Variants in FNDC3A observed in about 807,000 individuals in gnomAD.
FNDC3A encodes the protein fibronectin type-III domain-containing protein 3A.
Under a neutral mutation model 148.9 loss-of-function variants are expected in FNDC3A, and 32 were observed. That is an observed-to-expected ratio of 0.21 (90% CI 0.16 to 0.29). The LOEUF is 0.29. Among genes scored for constraint, FNDC3A ranks in the 10% least tolerant of loss-of-function variants. FNDC3A has a pLI of 1.00. For synonymous variants in FNDC3A, 472 were observed against 473.6 expected, an observed-to-expected ratio of 1.00 and a Z score of 0.04; for missense variants, 1,191 against 1,452.8, an observed-to-expected ratio of 0.82 and a Z score of 2.93.
At chr13:49,028,433 A>G (rs1482901413) in intron 2 of FNDC3A, among the ~76,000 whole-genome samples, 1 of 151,774 alleles carries the variant, frequency 6.6e-6, no homozygotes, top group African/African-American at 2.4e-5. Flanking sequence ...TAGAAACCGA[A>G]TCTCGCTTGT....
chr13:49,075,828 C>A (rs1472836932), intron 3 of FNDC3A, among the ~76,000 whole-genome samples: 1 of 146,848 alleles, frequency 6.8e-6, no homozygotes, highest in Non-Finnish European at 1.5e-5. Context: ...CCCACCCCCC[C>A]TTTCAGATCC....
At chr13:49,094,484 A>G (rs909009464) in intron 3 of FNDC3A, among the ~76,000 whole-genome samples, 3 of 152,116 alleles carry the variant, frequency 2.0e-5, no homozygotes, top group Non-Finnish European at 4.4e-5. Context: ...TAGAAGATAG[A>G]GTTGAATCTA....
At chr13:49,090,701 T>C (rs2407516) in intron 3 of FNDC3A, among the ~76,000 whole-genome samples, 151,432 of 152,074 alleles carry the variant, frequency 1, 75,400 homozygotes, top group Middle Eastern at 1. Flanking sequence ...AAAGATTAGG[T>C]CAGTCAACAT....
At chr13:49,091,503 TC>T (rs1160447403) in intron 3 of FNDC3A, among the ~76,000 whole-genome samples, 1 of 152,222 alleles carries the variant, frequency 6.6e-6, no homozygotes, top group Non-Finnish European at 1.5e-5. Context: ...CATTTCTACT[TC>T]CATGCAGAGT....
intron 9 of FNDC3A, among the ~76,000 whole-genome samples, chr13:49,168,034 A>G (rs747646659): frequency 1.3e-5 from 2 of 152,202 alleles, no homozygotes; most frequent in African/African-American, 2.4e-5. Flanking sequence ...GTTTTACTCT[A>G]TGCAGGTCTT....
chr13:49,187,384 C>T, intron 16 of FNDC3A, 194 bp downstream of exon 16: 1 of 864,418 alleles, frequency 1.2e-6, no homozygotes, highest in Non-Finnish European at 1.9e-6. Flanking sequence ...ACAAACATAT[C>T]TAGTATGCCA....
intron 1 of FNDC3A, among the ~76,000 whole-genome samples, chr13:48,988,914 T>G (rs1338397085): frequency 6.6e-6 from 1 of 151,592 alleles, no homozygotes; most frequent in Non-Finnish European, 1.5e-5. Context: ...CATGAAAACC[T>G]TAAGTGTTCA....
At chr13:49,094,453 AC>A (rs1879393132) in intron 3 of FNDC3A, among the ~76,000 whole-genome samples, 1 of 152,116 alleles carries the variant, frequency 6.6e-6, no homozygotes, top group Non-Finnish European at 1.5e-5. Flanking sequence ...TACTGATTGT[AC>A]TATATAGTTG....
At chr13:49,132,283 A>C (rs1004795400) in intron 5 of FNDC3A, among the ~76,000 whole-genome samples, 1 of 152,178 alleles carries the variant, frequency 6.6e-6, no homozygotes, top group African/African-American at 2.4e-5. Flanking sequence ...ATTCTCAGCC[A>C]CAGTAATTAT....
At chr13:49,151,826 G>A (rs1883316019) in intron 8 of FNDC3A, among the ~76,000 whole-genome samples, 2 of 152,150 alleles carry the variant, frequency 1.3e-5, no homozygotes, top group Middle Eastern at 3.2e-3. Context: ...AGAACATGCG[G>A]TGTTTGGTTT....
At chr13:49,113,220 T>C (rs1880693394) in intron 3 of FNDC3A, among the ~76,000 whole-genome samples, 1 of 151,188 alleles carries the variant, frequency 6.6e-6, no homozygotes, top group Non-Finnish European at 1.5e-5. Flanking sequence ...CCTCTCTCCT[T>C]CTCTCCCCTC....
At chr13:49,155,262 G>A (rs952604533) in intron 8 of FNDC3A, among the ~76,000 whole-genome samples, 3 of 151,988 alleles carry the variant, frequency 2.0e-5, no homozygotes, top group Non-Finnish European at 2.9e-5. Context: ...TGTATGTGTC[G>A]AGGAATTTAT....
intron 17 of FNDC3A, among the ~76,000 whole-genome samples, chr13:49,189,996 C>T (rs1885799456): frequency 6.6e-6 from 1 of 152,148 alleles, no homozygotes; most frequent in African/African-American, 2.4e-5. Flanking sequence ...ACACCATTCT[C>T]CTGCCTCAGC....
chr13:49,024,487 T>A (rs906987225), intron 2 of FNDC3A, among the ~76,000 whole-genome samples: 1 of 151,822 alleles, frequency 6.6e-6, no homozygotes, highest in Non-Finnish European at 1.5e-5. Context: ...CAAAATACTA[T>A]GTAACAAACT....
chr13:49,149,333 G>A (rs890491477), intron 8 of FNDC3A, among the ~76,000 whole-genome samples: 9 of 151,958 alleles, frequency 5.9e-5, no homozygotes, highest in Admixed American at 5.9e-4. Flanking sequence ...TGTTAGCTAT[G>A]GGTCTGTCAT....
intron 23 of FNDC3A, 54 bp downstream of exon 23, chr13:49,198,628 A>C: frequency 7.2e-7 from 1 of 1,395,438 alleles, no homozygotes; most frequent in Non-Finnish European, 1.0e-6. Context: ...AAGTATATAC[A>C]TTTCTGTAAC....
In FNDC3A at chr13:49,197,832, A is replaced by T. The variant is rs1886228652; in HGVS notation, c.2448A>T (p.Ile816=). The T allele has an allele frequency of 6.2e-7, 1 of 1,607,608 alleles. No homozygotes were observed. The highest frequency in any genetic ancestry group is 1.1e-5 in the South Asian group (1 of 89,444). The change falls in exon 21 of 26, where the codon ATA becomes ATT. Residue 816 remains isoleucine, a synonymous_variant. Coordinates refer to ENST00000492622, the MANE Select transcript of FNDC3A (RefSeq NM_001079673.2). ...CYCGPGLSYE[I]KGLSPATTYY... is the part of the protein sequence containing the mutation. ...GTGGGCCTGGTCTCAGTTATGAAAT[A>T]AAAGGACTTTCACCAGCAACTACCT...
intron 7 of FNDC3A, among the ~76,000 whole-genome samples, chr13:49,144,980 C>T (rs1882912611): frequency 6.6e-6 from 1 of 152,076 alleles, no homozygotes; most frequent in African/African-American, 2.4e-5. Flanking sequence ...TGTTCATAGG[C>T]TGTGTTATGT....
chr13:49,087,998 C>G (rs1377043268), intron 3 of FNDC3A, among the ~76,000 whole-genome samples: 2 of 152,090 alleles, frequency 1.3e-5, no homozygotes, highest in Non-Finnish European at 2.9e-5. Flanking sequence ...ATGCTATGAT[C>G]AGATTTTTAT....
Sources: gnomAD v4.1 joint callset for allele counts (sites outside exome capture counted in the v4.1 genomes callset) on GRCh38, gnomAD v4.1.1 for gene constraint, MANE v1.5 for transcripts, NCBI Gene and HGNC (gene_info 2026-07-23, HGNC 2026-07-21) for gene names.